COP1: variants seen among roughly 807,000 people sequenced by gnomAD.
COP1 encodes the protein E3 ubiquitin-protein ligase COP1.
Under a neutral mutation model 101.3 loss-of-function variants are expected in COP1, and 24 were observed. The observed-to-expected ratio is 0.24, with a 90% CI of 0.17 to 0.33. The LOEUF is 0.33. Among genes scored for constraint, COP1 ranks in the 10% least tolerant of loss-of-function variants. COP1 has a pLI of 1.00. For synonymous variants in COP1, 347 were observed against 341.9 expected, an observed-to-expected ratio of 1.01 and a Z score of -0.17; for missense variants, 663 against 906.2, an observed-to-expected ratio of 0.73 and a Z score of 3.45.
In COP1 at chr1:176,046,247, G is replaced by C; in HGVS notation, c.1355C>G (p.Thr452Ser). Residue 452 changes from threonine to serine, a missense_variant, in exon 12 of 20, where the codon ACT becomes AGT. This residue lies in a region of COP1 where 209 missense variants were observed against 383.3 expected (regional missense o/e 0.55). Coordinates refer to ENST00000367669, the MANE Select transcript of COP1 (RefSeq NM_022457.7). Reference protein sequence around the residue: ...TKKIKVYEYDTVIQDAVDIHY... With the variant: ...TKKIKVYEYDSVIQDAVDIHY... ...AATATCCACTGCATCCTGGATGACA[G>C]TGTCATATTCATAGACTTTAATCTT... 1 of 1,608,244 alleles carries C rather than the reference G, an allele frequency of 6.2e-7. No individual in the cohort carries two copies. Among genetic ancestry groups the C allele is most frequent in the South Asian group, 1.1e-5 (1 of 90,178 alleles).
rs185756771 is a variant in COP1, at chr1:176,124,609, T to C, written c.969-7928A>G. Among the ~76,000 whole-genome samples the C allele has an allele frequency of 2.0e-4, 31 of 152,346 alleles. No individual in the cohort carries two copies. The East Asian group carries it at 5.8e-3, about 28-fold the overall frequency. On this transcript the variant is annotated intron_variant, in intron 8 of 19. Coordinates refer to ENST00000367669, the MANE Select transcript of COP1 (RefSeq NM_022457.7). Reference sequence around the variant, plus strand: ...GTTGCAAATAACAGAATCTTATTCATTTTATGGCTGATAGTACTCCATTGA... The same window carrying C: ...GTTGCAAATAACAGAATCTTATTCACTTTATGGCTGATAGTACTCCATTGA...
At chr1:176,152,249 GAC>G (rs1479129272) in intron 5 of COP1, among the ~76,000 whole-genome samples, 6 of 151,386 alleles carry the variant, frequency 4.0e-5, no homozygotes, top group Non-Finnish European at 7.4e-5. Context: ...GAAAAAGCGA[GAC>G]CTTCTCTCTC....
chr1:176,043,327 C>CA, intron 13 of COP1, 60 bp from the exon 14 acceptor site: 3 of 985,434 alleles, frequency 3.0e-6, no homozygotes, highest in African/African-American at 1.7e-5. Context: ...ATGAATAAAG[C>CA]AAGAAAAAAA....
chr1:176,002,420 A>C (rs577643761), intron 15 of COP1, among the ~76,000 whole-genome samples: 10 of 152,104 alleles, frequency 6.6e-5, no homozygotes, highest in African/African-American at 1.9e-4. Context: ...TTAGTTACAT[A>C]TGTATACATG....
chr1:175,985,395 G>A (rs17351760), intron 18 of COP1, among the ~76,000 whole-genome samples: 10,034 of 152,264 alleles, frequency 0.066, 410 homozygotes, highest in Middle Eastern at 0.12. Context: ...GAGGATTTAA[G>A]TTTGCATCCT....
intron 15 of COP1, among the ~76,000 whole-genome samples, chr1:176,027,285 T>C (rs1353199472): frequency 6.6e-6 from 1 of 152,202 alleles, no homozygotes; most frequent in Non-Finnish European, 1.5e-5. Context: ...TATGACCTTA[T>C]GTTTGTGAAT....
intron 18 of COP1, among the ~76,000 whole-genome samples, chr1:175,950,744 G>A (rs1219201783): frequency 6.6e-6 from 1 of 152,110 alleles, no homozygotes; most frequent in African/African-American, 2.4e-5. Context: ...ACTATGAAGA[G>A]ACTAAGAAAA....
chr1:176,147,171 C>T (rs567707834), intron 6 of COP1, among the ~76,000 whole-genome samples: 2 of 152,202 alleles, frequency 1.3e-5, no homozygotes, highest in South Asian at 4.1e-4. Flanking sequence ...ATTACAGGTC[C>T]TAAGACCTGT....
intron 18 of COP1, among the ~76,000 whole-genome samples, chr1:175,969,881 CT>C (rs1652902849): frequency 6.6e-6 from 1 of 152,058 alleles, no homozygotes; most frequent in African/African-American, 2.4e-5. Flanking sequence ...AATGATAGTA[CT>C]ATTAGTATCA....
intron 6 of COP1, among the ~76,000 whole-genome samples, chr1:176,145,222 C>A (rs768071950): frequency 6.6e-6 from 1 of 151,858 alleles, no homozygotes; most frequent in African/African-American, 2.4e-5. Flanking sequence ...TAAAAAAACC[C>A]AAATGGCCAA....
intron 8 of COP1, among the ~76,000 whole-genome samples, chr1:176,130,704 G>T (rs773668148): frequency 2.0e-5 from 3 of 151,454 alleles, no homozygotes; most frequent in Admixed American, 6.6e-5. Flanking sequence ...GACATTCTAG[G>T]TTAGGTAAAT....
intron 15 of COP1, among the ~76,000 whole-genome samples, chr1:175,998,038 T>C (rs918767187): frequency 8.1e-6 from 1 of 123,030 alleles, no homozygotes; most frequent in East Asian, 2.4e-4. Context: ...AATGTGCACA[T>C]GTACCCTAAA....
At chr1:176,136,399 A>G in intron 7 of COP1, 89 bp downstream of exon 7, 1 of 834,086 alleles carries the variant, frequency 1.2e-6, no homozygotes, top group South Asian at 1.7e-5. Flanking sequence ...GACCAATCCC[A>G]TAAACTTAAC....
chr1:176,114,963 T>A (rs1416762640), intron 9 of COP1, among the ~76,000 whole-genome samples: 1 of 152,160 alleles, frequency 6.6e-6, no homozygotes, highest in East Asian at 1.9e-4. Context: ...GAAACATATG[T>A]GGGTACCTTA....
Position 176,136,556 on chromosome 1 carries a change from T to C in COP1, c.832-9A>G. 6.4e-7 allele frequency: 1 copy of C among 1,550,788 alleles called. No homozygotes were observed. Among genetic ancestry groups the C allele is most frequent in the Non-Finnish European group, 8.7e-7 (1 of 1,146,896 alleles). On this transcript the variant is annotated splice_polypyrimidine_tract_variant and intron_variant, in intron 6 of 19. Transcript: ENST00000367669. ...TGGATCTGTTCCAGTTGCTGCAGATTAAATAGAGAGAGAAAGACAAAAAAA... is the reference window on the plus strand; with the variant it reads ...TGGATCTGTTCCAGTTGCTGCAGATCAAATAGAGAGAGAAAGACAAAAAAA...
intron 9 of COP1, among the ~76,000 whole-genome samples, chr1:176,089,057 C>T (rs968174798): frequency 3.3e-5 from 5 of 150,262 alleles, no homozygotes; most frequent in African/African-American, 1.2e-4. Context: ...AATCCCAGCA[C>T]TTTGGGAGGC....
chr1:176,026,164 G>C (rs2149059212), intron 15 of COP1, among the ~76,000 whole-genome samples: 1 of 152,110 alleles, frequency 6.6e-6, no homozygotes, highest in East Asian at 1.9e-4. Context: ...TTTTAAAGTA[G>C]GTTCCTATTT....
At chr1:176,098,278 G>C (rs1005242701) in intron 9 of COP1, among the ~76,000 whole-genome samples, 9 of 152,132 alleles carry the variant, frequency 5.9e-5, no homozygotes, top group Middle Eastern at 3.2e-3. Flanking sequence ...AGGTAAAATT[G>C]CTAAGAGTTA....
At chr1:176,177,494 A>G (rs557084450) in intron 2 of COP1, among the ~76,000 whole-genome samples, 2 of 152,224 alleles carry the variant, frequency 1.3e-5, no homozygotes, top group South Asian at 4.1e-4. Flanking sequence ...ACAAAAGACA[A>G]TCCCCACAAT....
Sources: gnomAD v4.1 joint callset for allele counts (sites outside exome capture counted in the v4.1 genomes callset) on GRCh38, gnomAD v4.1.1 for gene constraint, gnomAD v4.1.1 regional missense constraint, MANE v1.5 for transcripts, NCBI Gene and HGNC (gene_info 2026-07-23, HGNC 2026-07-21) for gene names.